Variants in EIF4G3 observed in about 807,000 individuals in gnomAD.
The protein encoded by EIF4G3 is eIF-4-gamma 3.
Under a neutral mutation model 186.4 loss-of-function variants are expected in EIF4G3, and 34 were observed. That is an observed-to-expected ratio of 0.18 (90% CI 0.14 to 0.24). EIF4G3 has a LOEUF of 0.24. Among genes scored for constraint, EIF4G3 ranks in the 10% least tolerant of loss-of-function variants. The probability of loss-of-function intolerance (pLI) is 1.00; values close to 1 mark genes in which losing one functional copy is unlikely to be tolerated. For missense variants in EIF4G3, 1,536 were observed against 1,948.5 expected (o/e 0.79, Z 3.99); for synonymous variants, 673 against 679.5 (o/e 0.99, Z 0.15).
chr1:21,024,695 TGCTCGTTAAGAGTCATC>T (rs2091763430), intron 4 of EIF4G3, among the ~76,000 whole-genome samples: 1 of 150,182 alleles, frequency 6.7e-6, no homozygotes, highest in Non-Finnish European at 1.5e-5. Context: ...GAAGGCAGCA[TGCTCGTTAAGAGTCATC>T]ACCAATCCCT....
At chr1:21,078,954 C>T (rs944029972) in intron 3 of EIF4G3, among the ~76,000 whole-genome samples, 11 of 152,172 alleles carry the variant, frequency 7.2e-5, no homozygotes, top group African/African-American at 2.7e-4. Flanking sequence ...CATTGCACTC[C>T]AACCTGGGCA....
At chr1:20,878,972 A>C (rs2081589162) in intron 20 of EIF4G3, among the ~76,000 whole-genome samples, 1 of 152,206 alleles carries the variant, frequency 6.6e-6, no homozygotes, top group African/African-American at 2.4e-5. Flanking sequence ...TTTCAAACTT[A>C]ATTAAATGTG....
intron 2 of EIF4G3, among the ~76,000 whole-genome samples, chr1:21,147,335 T>C (rs1387122655): frequency 6.6e-6 from 1 of 152,054 alleles, no homozygotes; most frequent in East Asian, 1.9e-4. Flanking sequence ...AGTTTGTTTG[T>C]TTTTTGTTTG....
rs1393336797 is a variant in EIF4G3, at chr1:20,982,297, G to A, written c.198+91C>T. The A allele has an allele frequency of 1.9e-5, 17 of 872,260 alleles. No homozygotes were observed. In the South Asian group the frequency reaches 2.0e-4, roughly 10 times the overall value. The allele number at this position is 872,260 out of a possible 1,614,324, so 54.0% of individuals were successfully genotyped here. A position where few individuals can be genotyped will look rare whatever the true frequency, so the allele number is the denominator to read the frequency against. On this transcript the variant is annotated intron_variant, in intron 8 of 36. Coordinates refer to ENST00000602326, the MANE Select transcript of EIF4G3 (RefSeq NM_001391906.1). ...AATATACCAATAGTAAATTTCCAATGTGAATGTATCCATTCATTAGCAATC... is the reference window on the plus strand; with the variant it reads ...AATATACCAATAGTAAATTTCCAATATGAATGTATCCATTCATTAGCAATC...
intron 8 of EIF4G3, among the ~76,000 whole-genome samples, chr1:20,982,095 T>A (rs567306228): frequency 6.6e-6 from 1 of 152,262 alleles, no homozygotes; most frequent in South Asian, 2.1e-4. Context: ...GTTTTTTTCC[T>A]CTCCAAAAGG....
At chr1:20,952,900 A>G (rs1279282149) in intron 12 of EIF4G3, among the ~76,000 whole-genome samples, 3 of 152,134 alleles carry the variant, frequency 2.0e-5, no homozygotes, top group Non-Finnish European at 4.4e-5. Flanking sequence ...ATAACAAAGG[A>G]GTTCCTTATC....
At chr1:20,837,697 G>C (rs1025059254) in intron 30 of EIF4G3, among the ~76,000 whole-genome samples, 3 of 152,152 alleles carry the variant, frequency 2.0e-5, no homozygotes, top group African/African-American at 7.2e-5. Context: ...GCAAAAGACA[G>C]GGTATCTTCA....
chr1:20,976,891 G>A (rs2076959554), intron 10 of EIF4G3, among the ~76,000 whole-genome samples: 1 of 151,826 alleles, frequency 6.6e-6, no homozygotes, highest in Non-Finnish European at 1.5e-5. Flanking sequence ...CTAAAAATTA[G>A]GTATCATAAA....
intron 15 of EIF4G3, among the ~76,000 whole-genome samples, chr1:20,900,871 T>C (rs913388212): frequency 5.3e-5 from 8 of 152,178 alleles, no homozygotes; most frequent in African/African-American, 1.9e-4. Context: ...AGAAAAAAGT[T>C]CACCCCAAAT....
intron 3 of EIF4G3, among the ~76,000 whole-genome samples, chr1:21,053,387 C>G (rs986322735): frequency 6.7e-6 from 1 of 149,620 alleles, no homozygotes; most frequent in African/African-American, 2.4e-5. Flanking sequence ...AGCCCCCCGC[C>G]CGGACAGCCG....
At chr1:20,879,565 C>G (rs1173518420) in intron 19 of EIF4G3, 45 bp from the exon 20 acceptor site, 4 of 1,168,322 alleles carry the variant, frequency 3.4e-6, no homozygotes, top group Non-Finnish European at 4.5e-6. Context: ...GTAACTGTGA[C>G]AATATGGTGC....
intron 4 of EIF4G3, chr1:21,003,504 T>C (rs1308082501): frequency 5.2e-6 from 1 of 192,776 alleles, no homozygotes; most frequent in Non-Finnish European, 1.1e-5. Flanking sequence ...TCCTTTTTTG[T>C]GCATTAAGGC....
chr1:20,914,594 A>G (rs1469840464), intron 14 of EIF4G3, among the ~76,000 whole-genome samples: 1 of 152,216 alleles, frequency 6.6e-6, no homozygotes, highest in African/African-American at 2.4e-5. Flanking sequence ...ACTGTAAGAT[A>G]ATTAATGTGT....
chr1:20,959,107 G>A (rs1035671990), intron 12 of EIF4G3, among the ~76,000 whole-genome samples: 4 of 151,974 alleles, frequency 2.6e-5, no homozygotes, highest in Admixed American at 2.6e-4. Flanking sequence ...AGGCAAAAAG[G>A]AGAAATCTGG....
intron 14 of EIF4G3, among the ~76,000 whole-genome samples, chr1:20,906,212 T>C (rs2092043472): frequency 6.6e-6 from 1 of 152,164 alleles, no homozygotes; most frequent in Non-Finnish European, 1.5e-5. Flanking sequence ...TTTCAAAGGA[T>C]GGAAACCATG....
At chr1:20,878,266 T>C (rs1405400191) in intron 20 of EIF4G3, among the ~76,000 whole-genome samples, 1 of 152,198 alleles carries the variant, frequency 6.6e-6, no homozygotes, top group Admixed American at 6.5e-5. Flanking sequence ...GTGTTCTTTC[T>C]TCTCCAAATG....
intron 36 of EIF4G3, among the ~76,000 whole-genome samples, chr1:20,808,434 C>T (rs2058555150): frequency 1.3e-5 from 2 of 151,820 alleles, no homozygotes; most frequent in South Asian, 4.2e-4. Flanking sequence ...TTAATCCTAG[C>T]ACTTTGGGAG....
At chr1:21,039,456 GA>G (rs1343103044) in intron 4 of EIF4G3, among the ~76,000 whole-genome samples, 1 of 152,186 alleles carries the variant, frequency 6.6e-6, no homozygotes, top group East Asian at 1.9e-4. Flanking sequence ...TCTTAGATAT[GA>G]CACCAAAAGC....
intron 33 of EIF4G3, among the ~76,000 whole-genome samples, chr1:20,818,217 T>C (rs983552287): frequency 6.6e-6 from 1 of 152,224 alleles, no homozygotes; most frequent in African/African-American, 2.4e-5. Flanking sequence ...TATGGTTTAA[T>C]ATTAGTATTG....
Sources: gnomAD v4.1 joint callset for allele counts (sites outside exome capture counted in the v4.1 genomes callset) on GRCh38, gnomAD v4.1.1 for gene constraint, MANE v1.5 for transcripts, NCBI Gene and HGNC (gene_info 2026-07-23, HGNC 2026-07-21) for gene names.